Variants in ACVR1 observed in about 807,000 individuals in gnomAD.
ACVR1 encodes the protein activin receptor type-1.
Under a neutral mutation model 57.1 loss-of-function variants are expected in ACVR1, and 38 were observed. The ratio of observed to expected loss-of-function variants is 0.67; its 90% CI spans 0.51 to 0.87. ACVR1 has a LOEUF of 0.87. ACVR1 is among the 40% of genes least tolerant of loss of function. The pLI, the probability that ACVR1 is intolerant of heterozygous loss-of-function variation, is 0.00. For missense variants in ACVR1, 463 were observed against 638.2 expected (o/e 0.73, Z 2.96); for synonymous variants, 212 against 228.1 (o/e 0.93, Z 0.63).
chr2:157,774,345 G>A (rs986218709), intron 5 of ACVR1, among the ~76,000 whole-genome samples, 158 bp from the exon 6 acceptor site: 4 of 152,088 alleles, frequency 2.6e-5, no homozygotes, highest in Non-Finnish European at 5.9e-5. Context: ...GAAGGAAGAA[G>A]GACTGGTTTT....
At chr2:157,781,755 T>C (rs2033963) in intron 3 of ACVR1, among the ~76,000 whole-genome samples, 99,339 of 152,172 alleles carry the variant, frequency 0.65, 38,493 homozygotes, top group East Asian at 0.93. Flanking sequence ...TTCACATTAC[T>C]CTTTTCTCTT....
chr2:157,787,720 CAG>C lies in ACVR1; in HGVS notation c.68-7122_68-7121del, dbSNP rs142727442. Among the ~76,000 whole-genome samples the C allele has an allele frequency of 5.6e-4, 86 of 152,222 alleles. No homozygotes were observed. In the East Asian group the frequency reaches 0.014, roughly 25 times the overall value. ...GTTTCCCCCACCTCCTCGGGCTAACCAGAGAGTGTATGGCATTTCAGTAAGGG... is the reference window on the plus strand; with the variant it reads ...GTTTCCCCCACCTCCTCGGGCTAACCAGAGTGTATGGCATTTCAGTAAGGG... On this transcript the variant is annotated intron_variant, in intron 3 of 10. Transcript: ENST00000434821.
In ACVR1 at chr2:157,737,357, G is replaced by A. The variant is rs915295515; in HGVS notation, c.*174C>T. On this transcript the variant is annotated 3_prime_UTR_variant, in exon 11 of 11. Transcript: ENST00000434821. ...GTTCACAGTCATCGAGCGAGGTTAG[G>A]GTGGTTTTGATGTCTCCCCAACACA... is the stretch of plus-strand genomic sequence containing the variant. 6 of 764,756 alleles carry A rather than the reference G, an allele frequency of 7.8e-6. No homozygotes were observed. The highest frequency in any genetic ancestry group is 6.9e-5 in the African/African-American group (4 of 57,972). The allele number at this position is 764,756 out of a possible 1,614,324, so 47.4% of individuals were successfully genotyped here. A position where few individuals can be genotyped will look rare whatever the true frequency, so the allele number is the denominator to read the frequency against.
chr2:157,854,504 C>T (rs1267994142), intron 1 of ACVR1, among the ~76,000 whole-genome samples: 7 of 152,092 alleles, frequency 4.6e-5, no homozygotes, highest in Admixed American at 3.9e-4. Flanking sequence ...GGGAGGATCA[C>T]GAGGTCAGGA....
chr2:157,843,520 A>G (rs1201063588), intron 1 of ACVR1, among the ~76,000 whole-genome samples: 1 of 152,202 alleles, frequency 6.6e-6, no homozygotes, highest in Non-Finnish European at 1.5e-5. Context: ...GATAAAACTG[A>G]AGCTCAGAGA....
At chr2:157,762,800 A>C (rs933238079) in intron 8 of ACVR1, among the ~76,000 whole-genome samples, 2 of 152,180 alleles carry the variant, frequency 1.3e-5, no homozygotes, top group African/African-American at 4.8e-5. Flanking sequence ...AAAGACACTC[A>C]AGCAACCCTG....
At chr2:157,855,304 G>A (rs371406847) in intron 1 of ACVR1, among the ~76,000 whole-genome samples, 7,417 of 60,982 alleles carry the variant, frequency 0.12, 381 homozygotes, top group African/African-American at 0.26. Flanking sequence ...GTGTGTGTGT[G>A]TGTGTATATA....
intron 1 of ACVR1, among the ~76,000 whole-genome samples, chr2:157,848,689 G>T (rs1161193072): frequency 1.3e-5 from 2 of 152,204 alleles, no homozygotes; most frequent in Admixed American, 1.3e-4. Context: ...GCTATTGTCA[G>T]GAGCAAAAGA....
intron 1 of ACVR1, chr2:157,826,757 AAAGGAAAGGAAAGGAAAGGAAAGGAAAG>A (rs1688380657): frequency 9.3e-6 from 1 of 107,278 alleles, no homozygotes; most frequent in Non-Finnish European, 1.8e-5. Context: ...AAAGGAAAGG[AAAGGAAAGGAAAGGAAAGGAAAGGAAAG>A]GAAAGGGAAA....
chr2:157,821,316 C>T (rs1474742435), intron 1 of ACVR1, among the ~76,000 whole-genome samples: 1 of 152,016 alleles, frequency 6.6e-6, no homozygotes, highest in Non-Finnish European at 1.5e-5. Context: ...ACCTGAGGTC[C>T]AGAGTTCAAG....
chr2:157,782,504 T>A (rs1485250141), intron 3 of ACVR1, among the ~76,000 whole-genome samples: 3 of 152,220 alleles, frequency 2.0e-5, no homozygotes, highest in Non-Finnish European at 4.4e-5. Flanking sequence ...CCAGCACCAA[T>A]CTATTTCTAT....
At chr2:157,768,887 T>C (rs1685973499) in intron 7 of ACVR1, among the ~76,000 whole-genome samples, 1 of 152,212 alleles carries the variant, frequency 6.6e-6, no homozygotes, top group South Asian at 2.1e-4. Flanking sequence ...CACCTGTGGT[T>C]ACCGCGTAGT....
chr2:157,839,395 C>T (rs1170910721), intron 1 of ACVR1, among the ~76,000 whole-genome samples: 1 of 152,196 alleles, frequency 6.6e-6, no homozygotes, highest in African/African-American at 2.4e-5. Context: ...AATTATACAG[C>T]TTATGGTGCT....
chr2:157,756,412 G>A (rs567852599), intron 9 of ACVR1, among the ~76,000 whole-genome samples: 9 of 152,030 alleles, frequency 5.9e-5, no homozygotes, highest in East Asian at 1.9e-4. Context: ...CTATACATCC[G>A]ACAAAGGAAT....
At chr2:157,746,561 G>T (rs2105228953) in intron 9 of ACVR1, among the ~76,000 whole-genome samples, 1 of 152,366 alleles carries the variant, frequency 6.6e-6, no homozygotes. Context: ...ATTGGTGTTT[G>T]TCTATTCAAT....
intron 5 of ACVR1, 59 bp from the exon 6 acceptor site, chr2:157,774,246 G>T: frequency 1.5e-6 from 2 of 1,340,588 alleles, no homozygotes; most frequent in Non-Finnish European, 2.1e-6. Flanking sequence ...CCACTTTGGA[G>T]TATTAGCATG....
intron 1 of ACVR1, among the ~76,000 whole-genome samples, chr2:157,830,952 A>G (rs1296275265): frequency 6.6e-6 from 1 of 152,130 alleles, no homozygotes; most frequent in Non-Finnish European, 1.5e-5. Flanking sequence ...TTGTCTTAGA[A>G]ACAGGGTCTC....
At chr2:157,808,405 G>T (rs762146559) in intron 2 of ACVR1, among the ~76,000 whole-genome samples, 1 of 152,162 alleles carries the variant, frequency 6.6e-6, no homozygotes, top group Non-Finnish European at 1.5e-5. Flanking sequence ...GGGGGGCAGG[G>T]GTGGGTTTGT....
At chr2:157,764,346 C>CTATTAT (rs898396698) in intron 8 of ACVR1, among the ~76,000 whole-genome samples, 2 of 150,222 alleles carry the variant, frequency 1.3e-5, no homozygotes, top group Non-Finnish European at 3.0e-5. Context: ...CCACGCCCGG[C>CTATTAT]TATTATTATT....
Sources: gnomAD v4.1 joint callset for allele counts (sites outside exome capture counted in the v4.1 genomes callset) on GRCh38, gnomAD v4.1.1 for gene constraint, MANE v1.5 for transcripts, NCBI Gene and HGNC (gene_info 2026-07-23, HGNC 2026-07-21) for gene names.